The following SCHIP1 variants were observed in gnomAD, a reference collection of about 807,000 sequenced individuals.
SCHIP1 encodes schwannomin interacting protein 1.
In SCHIP1, 8 loss-of-function variants were observed where a neutral mutation model predicts 29.7. The ratio of observed to expected loss-of-function variants is 0.27; its 90% confidence interval spans 0.16 to 0.49. The LOEUF (loss-of-function observed/expected upper bound fraction) is 0.49. SCHIP1 is among the 20% of genes least tolerant of loss of function. SCHIP1 has a pLI of 0.99. For synonymous variants in SCHIP1, 76 were observed against 94.9 expected, an observed-to-expected ratio of 0.80 and a Z score of 1.16; for missense variants, 193 against 294.6, an observed-to-expected ratio of 0.66 and a Z score of 2.52.
At chr3:159,506,286 C>A in the SCHIP1 span, among the ~76,000 whole-genome samples, 1 of 152,178 alleles carries the variant, frequency 6.6e-6, no homozygotes, top group Admixed American at 6.5e-5. Context: ...AGTGTCTGTT[C>A]ATATCCTTTG....
At chr3:159,713,710 A>G in the SCHIP1 span, among the ~76,000 whole-genome samples, 1 of 152,188 alleles carries the variant, frequency 6.6e-6, no homozygotes, top group Admixed American at 6.5e-5. Context: ...TTGGACTAAT[A>G]AGAGAACCTA....
intron 1 of SCHIP1, chr3:159,853,066 T>G: frequency 4.0e-6 from 1 of 247,022 alleles, no homozygotes; most frequent in Non-Finnish European, 7.8e-6. Flanking sequence ...TGGAGAGGAA[T>G]TGGGGCGGGA....
At chr3:159,550,008 A>G in the SCHIP1 span, among the ~76,000 whole-genome samples, 4 of 150,708 alleles carry the variant, frequency 2.7e-5, no homozygotes. Context: ...CTCTTTGTTT[A>G]TTCTCTCCAC....
At chr3:159,312,362 C>T in the SCHIP1 span, among the ~76,000 whole-genome samples, 2 of 152,074 alleles carry the variant, frequency 1.3e-5, no homozygotes, top group Non-Finnish European at 2.9e-5. Flanking sequence ...CAAAGGTTCC[C>T]TTCTTTTGAA....
At chr3:159,336,403 T>A in the SCHIP1 span, among the ~76,000 whole-genome samples, 2 of 152,190 alleles carry the variant, frequency 1.3e-5, no homozygotes, top group African/African-American at 2.4e-5. Flanking sequence ...GGTGTTTTAG[T>A]CATGAAGTCC....
chr3:159,329,115 G>A, the SCHIP1 span, among the ~76,000 whole-genome samples: 1 of 152,036 alleles, frequency 6.6e-6, no homozygotes, highest in African/African-American at 2.4e-5. Context: ...CTTAGAGCAG[G>A]GAGTGGGCCT....
chr3:159,778,414 A>G, the SCHIP1 span, among the ~76,000 whole-genome samples: 2 of 152,144 alleles, frequency 1.3e-5, no homozygotes, highest in Non-Finnish European at 2.9e-5. Flanking sequence ...GCTTCCCCTT[A>G]TGTTAATATC....
the SCHIP1 span, among the ~76,000 whole-genome samples, chr3:159,757,128 C>G: frequency 1.3e-5 from 2 of 152,240 alleles, no homozygotes; most frequent in African/African-American, 4.8e-5. Context: ...CCCCACTCTA[C>G]TGGTACAAAT....
chr3:159,604,588 G>A, the SCHIP1 span, among the ~76,000 whole-genome samples: 1 of 152,180 alleles, frequency 6.6e-6, no homozygotes, highest in Non-Finnish European at 1.5e-5. Flanking sequence ...GCTTACTAGG[G>A]AAGTTATTCA....
the SCHIP1 span, among the ~76,000 whole-genome samples, chr3:159,614,037 G>A: frequency 2.2e-4 from 33 of 152,288 alleles, 1 homozygote; most frequent in African/African-American, 7.7e-4. Flanking sequence ...TGGGGTAGGT[G>A]CCATTATTAT....
the SCHIP1 span, among the ~76,000 whole-genome samples, chr3:159,374,972 A>G: frequency 2.9e-4 from 44 of 152,264 alleles, no homozygotes; most frequent in Non-Finnish European, 4.8e-4. Flanking sequence ...GTTATAAACT[A>G]TAAGTTTTTA....
chr3:159,803,144 C>G, the SCHIP1 span, among the ~76,000 whole-genome samples: 3 of 151,906 alleles, frequency 2.0e-5, no homozygotes, highest in Admixed American at 2.0e-4. Context: ...TATTCTTATC[C>G]TAAGCATCCA....
At chr3:159,617,210 G>A in the SCHIP1 span, among the ~76,000 whole-genome samples, 1 of 152,162 alleles carries the variant, frequency 6.6e-6, no homozygotes, top group African/African-American at 2.4e-5. Flanking sequence ...ACCTGTTGAG[G>A]TAGAGAGAAA....
chr3:159,749,615 G>A, the SCHIP1 span, among the ~76,000 whole-genome samples: 1 of 152,266 alleles, frequency 6.6e-6, no homozygotes, highest in African/African-American at 2.4e-5. Flanking sequence ...TGATTTACTC[G>A]GTGCTTATTC....
chr3:159,857,446 A>T (rs751551352), intron 1 of SCHIP1, among the ~76,000 whole-genome samples: 1 of 152,046 alleles, frequency 6.6e-6, no homozygotes, highest in East Asian at 1.9e-4. Context: ...AAAAATTGAG[A>T]TATAATTCAC....
At chr3:159,522,455 T>A in the SCHIP1 span, among the ~76,000 whole-genome samples, 3 of 152,178 alleles carry the variant, frequency 2.0e-5, no homozygotes, top group African/African-American at 7.2e-5. Context: ...TTAAATGACT[T>A]GCAAGATAAA....
intron 1 of SCHIP1, among the ~76,000 whole-genome samples, chr3:159,849,888 C>T (rs1045876215): frequency 1.3e-5 from 2 of 152,230 alleles, no homozygotes; most frequent in African/African-American, 4.8e-5. Context: ...CATATTTCCT[C>T]TGTTCACGTA....
chr3:159,474,098 T>C, the SCHIP1 span, among the ~76,000 whole-genome samples: 1 of 152,122 alleles, frequency 6.6e-6, no homozygotes, highest in Non-Finnish European at 1.5e-5. Flanking sequence ...TTGATCTCCT[T>C]TTAAGCATTT....
the SCHIP1 span, among the ~76,000 whole-genome samples, chr3:159,749,109 A>T: frequency 6.6e-6 from 1 of 151,762 alleles, no homozygotes; most frequent in Non-Finnish European, 1.5e-5. Flanking sequence ...CCATCTCCAT[A>T]AAAAAAATAC....
Sources: allele counts gnomAD v4.1 joint callset (sites outside exome capture counted in the v4.1 genomes callset), GRCh38; gene constraint gnomAD v4.1.1; transcripts MANE v1.5; gene names NCBI Gene and HGNC (gene_info 2026-07-23, HGNC 2026-07-21).